Variants in TUBGCP3 observed in about 807,000 individuals in gnomAD.
TUBGCP3 encodes the protein gamma-tubulin complex component 3.
Under a neutral mutation model 123.1 loss-of-function variants are expected in TUBGCP3, and 50 were observed. That is an observed-to-expected ratio of 0.41 (90% CI 0.32 to 0.51). The LOEUF (loss-of-function observed/expected upper bound fraction) is 0.51. TUBGCP3 is among the 20% of genes least tolerant of loss of function. The pLI is 0.36. For missense variants in TUBGCP3, 882 were observed against 1,127.0 expected (o/e 0.78, Z 3.11); for synonymous variants, 405 against 413.9 (o/e 0.98, Z 0.26).
chr13:112,498,247 TC>T (rs1425834995), intron 20 of TUBGCP3, among the ~76,000 whole-genome samples: 1 of 152,222 alleles, frequency 6.6e-6, no homozygotes, highest in Non-Finnish European at 1.5e-5. Flanking sequence ...AGGTTGAGTA[TC>T]CTTTATCTGA....
chr13:112,541,062 A>G (rs570188205), intron 11 of TUBGCP3, among the ~76,000 whole-genome samples: 6 of 152,234 alleles, frequency 3.9e-5, no homozygotes, highest in African/African-American at 2.4e-5. Context: ...AAGTTTAAAC[A>G]TATTAAAGAA....
chr13:112,487,727 C>G (rs1378824878), intron 21 of TUBGCP3, among the ~76,000 whole-genome samples: 1 of 152,156 alleles, frequency 6.6e-6, no homozygotes, highest in Non-Finnish European at 1.5e-5. Context: ...AGTCACTACC[C>G]CCTTTTATGA....
chr13:112,548,922 T>C (rs951973146), intron 8 of TUBGCP3, among the ~76,000 whole-genome samples: 10 of 152,192 alleles, frequency 6.6e-5, no homozygotes, highest in Non-Finnish European at 1.5e-4. Context: ...TGGAAGACAG[T>C]GTGGCGATTC....
Position 112,556,116 on chromosome 13 carries a change from T to C in TUBGCP3, c.657A>G (p.Ser219=), listed in dbSNP as rs1880009911. The C allele has an allele frequency of 6.2e-7, 1 of 1,613,906 alleles. No individual in the cohort carries two copies. ...ANQPSSQATT[S]KGVPSAVSRN... ...GAGACACAGCACTGGGGACACCTTT[T>C]GAGGTAGTGGCTTGTGAAGAAGGCT... Residue 219 remains serine (S), a synonymous_variant, in exon 6 of 22, where the codon TCA becomes TCG. Coordinates refer to ENST00000261965, the MANE Select transcript of TUBGCP3 (RefSeq NM_006322.6).
At chr13:112,505,289 T>A (rs1291986462) in intron 17 of TUBGCP3, among the ~76,000 whole-genome samples, 1 of 152,238 alleles carries the variant, frequency 6.6e-6, no homozygotes, top group East Asian at 1.9e-4. Flanking sequence ...ACTTTTAATT[T>A]TTTTGTTCAA....
At chr13:112,592,769 G>C (rs1207402972), upstream of TUBGCP3, among the ~76,000 whole-genome samples, 1 of 152,182 alleles carries the variant, frequency 6.6e-6, no homozygotes, top group Non-Finnish European at 1.5e-5. This position sits in a 1 kb window ranked among gnomAD's most constrained non-coding sequence, Gnocchi z 4.1. Flanking sequence ...GGGATACCCA[G>C]GGCACCCAGG....
chr13:112,488,797 G>T, intron 21 of TUBGCP3, among the ~76,000 whole-genome samples: 1 of 136,978 alleles, frequency 7.3e-6, no homozygotes, highest in East Asian at 2.3e-4. Context: ...ACCCACCACA[G>T]GGGAGCAAAG....
chr13:112,598,030 A>AG, the TUBGCP3 span, among the ~76,000 whole-genome samples: 1 of 152,208 alleles, frequency 6.6e-6, no homozygotes, highest in Non-Finnish European at 1.5e-5. Context: ...GGAGAGCAAA[A>AG]ACAGAGACAG....
chr13:112,585,858 G>C (rs1401922984), intron 1 of TUBGCP3, among the ~76,000 whole-genome samples: 3 of 152,006 alleles, frequency 2.0e-5, no homozygotes, highest in Admixed American at 6.6e-5. Flanking sequence ...TGGGAAGATA[G>C]TAGGATACAG....
Position 112,486,014 on chromosome 13 carries a change from C to T in TUBGCP3, c.2703G>A (p.Gly901=). 2 of 1,605,142 alleles carry T rather than the reference C, an allele frequency of 1.2e-6. No individual in the cohort carries two copies. The highest frequency in any genetic ancestry group is 1.7e-6 in the Non-Finnish European group (2 of 1,172,754). The part of the protein sequence containing the change: ...PRLRVSLGTR[G]RRSSHT ...AGCTTCACGTGTGGGAGCTGCGCCG[C>T]CCCCTGGTACCCAGAGACACACGGA... Residue 901 remains glycine (G), a synonymous_variant, in exon 22 of 22, where the codon GGG becomes GGA. Coordinates refer to ENST00000261965, the MANE Select transcript of TUBGCP3 (RefSeq NM_006322.6).
intron 7 of TUBGCP3, 38 bp from the exon 8 acceptor site, chr13:112,554,220 G>A: frequency 6.2e-7 from 1 of 1,608,582 alleles, no homozygotes; most frequent in Non-Finnish European, 8.5e-7. Context: ...ACATTAAAAA[G>A]CAATACTAGA....
rs111927903 is a variant in TUBGCP3 at position 112,543,543 on chromosome 13, A to G, written c.1335+2156T>C. On this transcript the variant is annotated intron_variant, in intron 11 of 21. Transcript: ENST00000261965. ...GAAATTGTGAAAAGAACAAAAGGTA[A>G]GTACTGCCTCTACCAAATTTCAAAC... Among the ~76,000 whole-genome samples the G allele has an allele frequency of 9.4e-3, 1,427 of 152,342 alleles. 21 individuals carry two copies. The highest frequency in any genetic ancestry group is 0.032 in the African/African-American group (1,343 of 41,576).
At chr13:112,592,323 C>T (rs1882896239), upstream of TUBGCP3, among the ~76,000 whole-genome samples, 2 of 152,142 alleles carry the variant, frequency 1.3e-5, no homozygotes, top group South Asian at 2.1e-4. This position sits in a 1 kb window ranked among gnomAD's most constrained non-coding sequence, Gnocchi z 4.1. Context: ...AGGTGCTGAG[C>T]GAGAGGGGCC....
In TUBGCP3 at chr13:112,520,083, A is replaced by G. The variant is rs1876485785; in HGVS notation, c.1746-62T>C. The G allele has an allele frequency of 1.9e-5, 29 of 1,493,340 alleles. No homozygotes were observed. The South Asian group carries it at 3.7e-4, about 19-fold the overall frequency. 92.5% of individuals were successfully genotyped at this position (1,493,340 alleles called of 1,614,324 possible). On this transcript the variant is annotated intron_variant, in intron 14 of 21. Coordinates refer to ENST00000261965, the MANE Select transcript of TUBGCP3 (RefSeq NM_006322.6). ...TTCAATTCTTAATGAACTTTAAAAA[A>G]CGTATAAACTATTAAAAGTAAGAGT...
At chr13:112,585,730 T>A (rs892179779) in intron 1 of TUBGCP3, among the ~76,000 whole-genome samples, 1 of 152,110 alleles carries the variant, frequency 6.6e-6, no homozygotes, top group African/African-American at 2.4e-5. Context: ...ATCATGCCAC[T>A]GCACTCCAGC....
upstream of TUBGCP3, among the ~76,000 whole-genome samples, chr13:112,591,158 C>A (rs1005167157): frequency 2.0e-5 from 3 of 152,190 alleles, no homozygotes; most frequent in Non-Finnish European, 4.4e-5. Flanking sequence ...AGGAAGGAAC[C>A]TTATCAGGGA....
Position 112,545,795 on chromosome 13 carries a change from A to G in TUBGCP3, c.1239T>C (p.Ser413=), listed in dbSNP as rs778597633. 1 of 1,614,194 alleles carries G rather than the reference A, an allele frequency of 6.2e-7. No homozygotes were observed. Among genetic ancestry groups the G allele is most frequent in the East Asian group, 2.2e-5 (1 of 44,890 alleles). ...CGAGGCTGAGGATGTGCTGCACCAG[A>G]GACCGCATGTACGGGTCTCCTGTTT... ...YTKTGDPYMR[S]LVQHILSLVS... is the part of the protein sequence containing the mutation. Residue 413 remains serine, a synonymous_variant, in exon 11 of 22, where the codon TCT becomes TCC. Transcript: ENST00000261965. This position sits in a 1 kb window ranked among gnomAD's most constrained non-coding sequence, Gnocchi z 4.1.
At chr13:112,603,634 G>A in the TUBGCP3 span, 1 of 152,266 alleles carries the variant, frequency 6.6e-6, no homozygotes, top group Non-Finnish European at 1.5e-5. Flanking sequence ...GCTGTGGCAG[G>A]AGAATTGCTT....
At chr13:112,507,817 A>G (rs1231353637) in intron 17 of TUBGCP3, among the ~76,000 whole-genome samples, 1 of 152,192 alleles carries the variant, frequency 6.6e-6, no homozygotes, top group Non-Finnish European at 1.5e-5. Context: ...TCCGGCTTCA[A>G]ATCAGTCTGA....
Sources: allele counts gnomAD v4.1 joint callset (sites outside exome capture counted in the v4.1 genomes callset), GRCh38; gene constraint gnomAD v4.1.1; non-coding constraint Gnocchi (gnomAD v3.1); transcripts MANE v1.5; gene names NCBI Gene and HGNC (gene_info 2026-07-23, HGNC 2026-07-21).